Variants in OSBPL9 observed in about 807,000 individuals in gnomAD.
OSBPL9 encodes oxysterol-binding protein-related protein 9.
A neutral mutation model predicts 106.6 loss-of-function variants in OSBPL9; 40 were observed. That is an observed-to-expected ratio of 0.38 (90% CI 0.29 to 0.49). The LOEUF (loss-of-function observed/expected upper bound fraction) is 0.49, where lower values mean the gene tolerates loss of function less well. Among genes scored for constraint, OSBPL9 ranks in the 20% least tolerant of loss-of-function variants. The pLI, the probability that OSBPL9 is intolerant of heterozygous loss-of-function variation, is 0.97. For missense variants in OSBPL9, 609 were observed against 887.2 expected, an observed-to-expected ratio of 0.69 and a Z score of 3.98; for synonymous variants, 269 against 295.4, an observed-to-expected ratio of 0.91 and a Z score of 0.92.
rs149192318 is a variant in OSBPL9 at position 51,605,689 on chromosome 1, T to C, written c.-353+7496T>C. 5.3e-5 allele frequency among the ~76,000 whole-genome samples: 8 copies of C among 152,234 alleles called. No homozygotes were observed. The East Asian group carries it at 1.5e-3, about 29-fold the overall frequency. ...AAATTTTATCTTTTCCTTAGAAATA[T>C]GATTGGCTCTCAGCCGGGCACAGTG... On this transcript the variant is annotated intron_variant, in intron 2 of 25. Transcript: ENST00000371714.
At chr1:51,583,250 T>C (rs887033960) in intron 1 of OSBPL9, among the ~76,000 whole-genome samples, 1 of 152,072 alleles carries the variant, frequency 6.6e-6, no homozygotes. Context: ...GTCAGCCACA[T>C]CCCAGGTGAG....
intron 1 of OSBPL9, among the ~76,000 whole-genome samples, chr1:51,634,530 G>C (rs1003578092): frequency 6.6e-6 from 1 of 152,160 alleles, no homozygotes; most frequent in African/African-American, 2.4e-5. Flanking sequence ...ATTAACAGGA[G>C]AAAAGGTATA....
the OSBPL9 span, among the ~76,000 whole-genome samples, chr1:51,559,440 T>TACACAC: frequency 0.019 from 2,841 of 147,630 alleles, 76 homozygotes; most frequent in African/African-American, 0.063. Context: ...CACACATACA[T>TACACAC]ACACACACAC....
intron 4 of OSBPL9, among the ~76,000 whole-genome samples, chr1:51,733,953 A>G (rs1665069790): frequency 6.6e-6 from 1 of 152,208 alleles, no homozygotes; most frequent in South Asian, 2.1e-4. Context: ...TGTCAGGGAA[A>G]CTGCTTTAAA....
rs1392523918 is a variant in OSBPL9, at chr1:51,786,585, G to A, written c.1968G>A (p.Lys656=). ...KLPIIKKKVR[K]LEDQNEYESR... ...CTATAATCAAGAAGAAAGTGAGGAA[G>A]TTGGAAGATCAGAACGAGTATGAAT... Residue 656 remains lysine, a synonymous_variant, in exon 22 of 24, where the codon AAG becomes AAA. Coordinates refer to ENST00000428468, the MANE Select transcript of OSBPL9 (RefSeq NM_024586.6). 1.9e-6 allele frequency: 3 copies of A among 1,612,926 alleles called. No individual in the cohort carries two copies. The highest frequency in any genetic ancestry group is 8.5e-7 in the Non-Finnish European group (1 of 1,179,024).
intron 9 of OSBPL9, chr1:51,760,019 T>A (rs1188717847): frequency 2.0e-5 from 3 of 152,250 alleles, no homozygotes; most frequent in Admixed American, 1.3e-4. Context: ...GTTTTCCTTG[T>A]CATGATTTCC....
chr1:51,662,207 G>A (rs779185940), intron 2 of OSBPL9, among the ~76,000 whole-genome samples: 1 of 152,186 alleles, frequency 6.6e-6, no homozygotes, highest in East Asian at 1.9e-4. Context: ...AATGAGAGAG[G>A]CTGGCCAATT....
At chr1:51,733,844 C>A (rs1665039691) in intron 4 of OSBPL9, among the ~76,000 whole-genome samples, 1 of 151,886 alleles carries the variant, frequency 6.6e-6, no homozygotes, top group South Asian at 2.1e-4. Context: ...ATCTATAGGA[C>A]CTCTAACATG....
At position 51,729,927 on chromosome 1, in the gene OSBPL9, GC is replaced by G; in HGVS notation, c.319-15604del. On this transcript the variant is annotated intron_variant, in intron 4 of 23. Coordinates refer to ENST00000428468, the MANE Select transcript of OSBPL9 (RefSeq NM_024586.6). This position sits in a 1 kb window ranked among gnomAD's most constrained non-coding sequence, Gnocchi z 5.1. The stretch of plus-strand genomic sequence containing the variant: ...GAAGAAAAAGGGGTGCTCGGGAGCA[GC>G]CCCCGGCTACCTCCCCTGGAGGCAC... 2 of 1,303,746 alleles carry G rather than the reference GC, an allele frequency of 1.5e-6. No individual in the cohort carries two copies. Among genetic ancestry groups the G allele is most frequent in the Non-Finnish European group, 2.0e-6 (2 of 1,018,042 alleles). The allele number at this position is 1,303,746 out of a possible 1,614,324, so 80.8% of individuals were successfully genotyped here.
intron 4 of OSBPL9, among the ~76,000 whole-genome samples, chr1:51,730,447 C>T (rs997397339): frequency 1.3e-5 from 2 of 152,144 alleles, no homozygotes; most frequent in African/African-American, 4.8e-5. Context: ...ATTTTTGGCA[C>T]GGTGTTCGTG....
chr1:51,690,415 G>GT (rs1361947444), intron 3 of OSBPL9, among the ~76,000 whole-genome samples: 7 of 152,220 alleles, frequency 4.6e-5, no homozygotes, highest in African/African-American at 1.4e-4. Context: ...AGTGGAAGTT[G>GT]TGGGGGAGGA....
intron 2 of OSBPL9, among the ~76,000 whole-genome samples, chr1:51,659,749 C>A (rs72898007): frequency 0.13 from 19,120 of 151,730 alleles, 1,336 homozygotes; most frequent in Middle Eastern, 0.22. Flanking sequence ...ATACATTTTG[C>A]CAATAAATTT....
chr1:51,731,775 CAAA>C (rs905927971), intron 4 of OSBPL9, among the ~76,000 whole-genome samples: 2 of 67,130 alleles, frequency 3.0e-5, no homozygotes, highest in Non-Finnish European at 6.6e-5. Context: ...GAGTCTGTCT[CAAA>C]AAAAAAAAAA....
At chr1:51,554,888 C>T in the OSBPL9 span, among the ~76,000 whole-genome samples, 1 of 152,160 alleles carries the variant, frequency 6.6e-6, no homozygotes, top group Non-Finnish European at 1.5e-5. Flanking sequence ...CACCTGGAGA[C>T]CCTTGCTAAA....
chr1:51,647,586 C>G (rs191406554), intron 1 of OSBPL9, among the ~76,000 whole-genome samples: 2 of 152,002 alleles, frequency 1.3e-5, no homozygotes, highest in East Asian at 3.9e-4. Context: ...ACTTATTTTA[C>G]GTCTATTCAG....
chr1:51,546,493 C>G, the OSBPL9 span, among the ~76,000 whole-genome samples: 3 of 151,886 alleles, frequency 2.0e-5, no homozygotes, highest in Non-Finnish European at 4.4e-5. Context: ...GTCAGGAGAT[C>G]GAGACCATCC....
rs1424328676 is a variant in OSBPL9, at chr1:51,784,390, C to A, written c.1689-52C>A. On this transcript the variant is annotated intron_variant, in intron 19 of 23. Transcript: ENST00000428468. ...TGCTGTTCCTTGAGACATGCCCCTTCCCCCTCTTCCTCTTAACTGTCAACC... is the reference window on the plus strand; with the variant it reads ...TGCTGTTCCTTGAGACATGCCCCTTACCCCTCTTCCTCTTAACTGTCAACC... 1.9e-6 allele frequency: 3 copies of A among 1,611,300 alleles called. No individual in the cohort carries two copies. In the African/African-American group the frequency reaches 4.0e-5, roughly 22 times the overall value.
At chr1:51,698,315 A>C (rs1475757253) in intron 3 of OSBPL9, among the ~76,000 whole-genome samples, 1 of 152,204 alleles carries the variant, frequency 6.6e-6, no homozygotes, top group African/African-American at 2.4e-5. Flanking sequence ...ACTGGATTGC[A>C]GTCCATTAAT....
At position 51,609,851 on chromosome 1, in the gene OSBPL9, G is replaced by A. The variant is rs569992310; in HGVS notation, c.-352-4454G>A. Among the ~76,000 whole-genome samples the A allele has an allele frequency of 1.5e-4, 22 of 151,380 alleles. No homozygotes were observed. The East Asian group carries it at 2.1e-3, about 15-fold the overall frequency. On this transcript the variant is annotated intron_variant, in intron 2 of 25. Transcript: ENST00000371714. ...CAACCTCCACCTCCTGGGTTCAAGC[G>A]ATTCTCCTGCCTCAGTCTCCTGAGT...
Sources: allele counts gnomAD v4.1 joint callset (sites outside exome capture counted in the v4.1 genomes callset), GRCh38; gene constraint gnomAD v4.1.1; non-coding constraint Gnocchi (gnomAD v3.1); transcripts MANE v1.5; gene names NCBI Gene and HGNC (gene_info 2026-07-23, HGNC 2026-07-21).